The following CFAP44 variants were observed in gnomAD, a reference collection of about 807,000 sequenced individuals.
CFAP44 encodes cilia- and flagella-associated protein 44.
A neutral mutation model predicts 216.2 loss-of-function variants in CFAP44; 134 were observed. That is an observed-to-expected ratio of 0.62 (90% CI 0.54 to 0.72). The LOEUF (loss-of-function observed/expected upper bound fraction) is 0.72. Ranked by LOEUF, CFAP44 falls within the 30% of genes least tolerant of loss-of-function variation. The pLI is 0.00. For missense variants in CFAP44, 2,035 were observed against 2,182.1 expected (o/e 0.93, Z 1.34); for synonymous variants, 700 against 727.6 (o/e 0.96, Z 0.61).
intron 8 of CFAP44, among the ~76,000 whole-genome samples, chr3:113,405,259 G>A (rs1383615399): frequency 6.6e-6 from 1 of 152,142 alleles, no homozygotes; most frequent in Non-Finnish European, 1.5e-5. Flanking sequence ...AGCCATTTAT[G>A]GTAGAGTCTT....
At position 113,349,109 on chromosome 3, in the gene CFAP44, G is replaced by A. The variant is rs573660326; in HGVS notation, c.3066-4397C>T. ...CAAATATCTGTTGACCTGTGTTCTA[G>A]AAGGACTAAGGACAATTAAGAAAAA... On this transcript the variant is annotated intron_variant, in intron 22 of 34. Transcript: ENST00000393845. Among the ~76,000 whole-genome samples, 241 of 152,256 alleles carry A rather than the reference G, an allele frequency of 1.6e-3. 1 individual carries two copies. Among genetic ancestry groups the A allele is most frequent in the African/African-American group, 5.4e-3 (224 of 41,540 alleles).
Position 113,416,553 on chromosome 3 carries a change from A to C in CFAP44, c.645T>G (p.Pro215=). ...SFPDIIIYEY[P]SLRPYRVLRD... ...GAAGGACTCTGTATGGTCTCAGAGA[A>C]GGATATTCATAGATGATAATATCTG... Residue 215 remains proline, a synonymous_variant, in exon 6 of 35, where the codon CCT becomes CCG. Transcript: ENST00000393845. 6.2e-7 allele frequency: 1 copy of C among 1,612,044 alleles called. No homozygotes were observed. The highest frequency in any genetic ancestry group is 8.5e-7 in the Non-Finnish European group (1 of 1,178,576).
Position 113,368,348 on chromosome 3 carries a change from G to A in CFAP44, c.2445-2039C>T, listed in dbSNP as rs148871158. 2.3e-3 allele frequency among the ~76,000 whole-genome samples: 354 copies of A among 152,256 alleles called. 3 individuals carry two copies. The highest frequency in any genetic ancestry group is 8.2e-3 in the African/African-American group (342 of 41,544). On this transcript the variant is annotated intron_variant, in intron 18 of 34. Transcript: ENST00000393845. ...GTAAGAGCAGCCAGAGAGAAAGGTC[G>A]GGTTACCCACAAAGGGAAGACCGTC...
intron 29 of CFAP44, among the ~76,000 whole-genome samples, chr3:113,307,189 C>A (rs1454904360): frequency 6.6e-6 from 1 of 152,134 alleles, no homozygotes; most frequent in African/African-American, 2.4e-5. Flanking sequence ...TCAAAATGCC[C>A]TTACAAAACA....
chr3:113,427,624 T>C (rs2107406117), intron 2 of CFAP44: 1 of 241,016 alleles, frequency 4.1e-6, no homozygotes, highest in East Asian at 1.1e-4. Flanking sequence ...TATGCTGCTA[T>C]CATAATTTCA....
chr3:113,396,387 A>C, intron 14 of CFAP44, 131 bp downstream of exon 14: 1 of 1,064,430 alleles, frequency 9.4e-7, no homozygotes, highest in Non-Finnish European at 1.3e-6. Context: ...ATATGACTAC[A>C]AAGAAAGCAA....
At chr3:113,435,724 G>C (rs1243606474) in intron 1 of CFAP44, among the ~76,000 whole-genome samples, 1 of 79,672 alleles carries the variant, frequency 1.3e-5, no homozygotes, top group African/African-American at 4.9e-5. Flanking sequence ...CCAAGACTCT[G>C]CTTCTAAAAT....
At chr3:113,426,941 GT>G (rs1476014212) in intron 3 of CFAP44, 1 of 452,930 alleles carries the variant, frequency 2.2e-6, no homozygotes, top group Non-Finnish European at 3.8e-6. Context: ...TAGTGGAGCA[GT>G]TTTTATACCT....
At chr3:113,414,434 T>C (rs1402264498) in intron 6 of CFAP44, among the ~76,000 whole-genome samples, 4 of 152,212 alleles carry the variant, frequency 2.6e-5, no homozygotes, top group African/African-American at 9.7e-5. Flanking sequence ...CCTTGTCTTG[T>C]ACCAGTTTTC....
chr3:113,304,166 T>G lies in CFAP44; in HGVS notation c.4876-49A>C, dbSNP rs879090523. 5.9e-6 allele frequency: 9 copies of G among 1,515,486 alleles called. No homozygotes were observed. In the South Asian group the frequency reaches 1.1e-4, roughly 19 times the overall value. The allele number at this position is 1,515,486 out of a possible 1,614,324, so 93.9% of individuals were successfully genotyped here. ...AGAAAATAGACAAAAACACAGATTT[T>G]GTATGGCAACAGAAAGCATAAGAGG... is the stretch of plus-strand genomic sequence containing the variant. On this transcript the variant is annotated intron_variant, in intron 31 of 34. Coordinates refer to ENST00000393845, the MANE Select transcript of CFAP44 (RefSeq NM_001164496.2).
rs527678996 is a variant in CFAP44 at position 113,407,147 on chromosome 3, T to C, written c.891-106A>G. 90 of 819,252 alleles carry C rather than the reference T, an allele frequency of 1.1e-4. No individual in the cohort carries two copies. The African/African-American group carries it at 1.4e-3, about 13-fold the overall frequency. 50.7% of individuals were successfully genotyped at this position (819,252 alleles called of 1,614,324 possible). ...TTTCATAGTTGCATATATTATTTCA[T>C]TCATTCATTCATTTATCTGATTAAG... On this transcript the variant is annotated intron_variant, in intron 7 of 34. Coordinates refer to ENST00000393845, the MANE Select transcript of CFAP44 (RefSeq NM_001164496.2).
At chr3:113,406,614 A>G (rs1474606006) in intron 8 of CFAP44, among the ~76,000 whole-genome samples, 1 of 150,688 alleles carries the variant, frequency 6.6e-6, no homozygotes, top group African/African-American at 2.5e-5. Context: ...ACAGAGCGAG[A>G]CCCTGTCTCA....
intron 17 of CFAP44, among the ~76,000 whole-genome samples, chr3:113,377,378 G>C (rs1311681513): frequency 6.6e-6 from 1 of 152,166 alleles, no homozygotes; most frequent in African/African-American, 2.4e-5. Context: ...TTGTTCACCA[G>C]TGTAGCTTAA....
At chr3:113,386,450 G>T (rs1337689178) in intron 15 of CFAP44, among the ~76,000 whole-genome samples, 1 of 152,110 alleles carries the variant, frequency 6.6e-6, no homozygotes, top group Non-Finnish European at 1.5e-5. Context: ...GTCTATTGCT[G>T]TCTTCTTTTG....
At chr3:113,298,908 T>G (rs1215334065) in intron 32 of CFAP44, among the ~76,000 whole-genome samples, 2 of 152,208 alleles carry the variant, frequency 1.3e-5, no homozygotes, top group African/African-American at 4.8e-5. Context: ...AGATGGATGG[T>G]GGTGATGGTT....
At chr3:113,341,255 G>A (rs1191417709) in intron 24 of CFAP44, among the ~76,000 whole-genome samples, 1 of 152,080 alleles carries the variant, frequency 6.6e-6, no homozygotes, top group Non-Finnish European at 1.5e-5. Flanking sequence ...CCGGGACCAC[G>A]CCTTTCGCTA....
intron 18 of CFAP44, 142 bp from the exon 19 acceptor site, chr3:113,366,451 C>G: frequency 1.1e-6 from 1 of 941,412 alleles, no homozygotes; most frequent in Non-Finnish European, 1.6e-6. Context: ...TATTGAAGCC[C>G]TAACCCCTAA....
chr3:113,328,826 C>T lies in CFAP44; in HGVS notation c.4117-1007G>A, dbSNP rs1191956692. 2.0e-5 allele frequency among the ~76,000 whole-genome samples: 3 copies of T among 150,336 alleles called. No individual in the cohort carries two copies. The Admixed American group carries it at 2.0e-4, about 10-fold the overall frequency. ...GCTTGTTTAACAAACTTGAATTATT[C>T]CTGCATTTATTTGGAGGACCACATA... is the stretch of plus-strand genomic sequence containing the variant. On this transcript the variant is annotated intron_variant, in intron 26 of 34. Transcript: ENST00000393845.
chr3:113,342,163 T>C (rs1950339065), intron 23 of CFAP44, among the ~76,000 whole-genome samples: 1 of 152,100 alleles, frequency 6.6e-6, no homozygotes, highest in Non-Finnish European at 1.5e-5. Flanking sequence ...TGAAACCCCA[T>C]CTCTACTAAA....
Sources: allele counts gnomAD v4.1 joint callset (sites outside exome capture counted in the v4.1 genomes callset), GRCh38; gene constraint gnomAD v4.1.1; transcripts MANE v1.5; gene names NCBI Gene and HGNC (gene_info 2026-07-23, HGNC 2026-07-21).